The following ZNF804B variants were observed in gnomAD, a reference collection of about 807,000 sequenced individuals.
The protein encoded by ZNF804B is zinc finger 804B.
A neutral mutation model predicts 101.4 loss-of-function variants in ZNF804B; 80 were observed. That is an observed-to-expected ratio of 0.79 (90% CI 0.66 to 0.95). The LOEUF (loss-of-function observed/expected upper bound fraction) is 0.95. ZNF804B is among the 40% of genes least tolerant of loss of function. The pLI is 0.00. For missense variants in ZNF804B, 1,673 were observed against 1,561.9 expected (o/e 1.07, Z -1.20); for synonymous variants, 622 against 558.8 (o/e 1.11, Z -1.59).
rs990193653 is a variant in ZNF804B at position 88,791,303 on chromosome 7, T to C, written c.108+31219T>C. On this transcript the variant is annotated intron_variant, in intron 1 of 3. Transcript: ENST00000333190. ...TTCCTGAAGTGACTCCTATACGGGG[T>C]AAATTTATTTGAATACATTCATTCT... is the stretch of plus-strand genomic sequence containing the variant. 5.9e-5 allele frequency among the ~76,000 whole-genome samples: 9 copies of C among 152,098 alleles called. No individual in the cohort carries two copies. In the South Asian group the frequency reaches 1.0e-3, roughly 17 times the overall value.
chr7:89,016,217 AT>A (rs1788554169), intron 1 of ZNF804B, among the ~76,000 whole-genome samples: 1 of 151,894 alleles, frequency 6.6e-6, no homozygotes, highest in Non-Finnish European at 1.5e-5. Context: ...GTTTGAGTTC[AT>A]TGTAGATTCT....
intron 1 of ZNF804B, among the ~76,000 whole-genome samples, chr7:88,958,206 A>G (rs991845418): frequency 2.0e-5 from 3 of 151,566 alleles, no homozygotes; most frequent in Middle Eastern, 3.4e-3. Context: ...TGATAATGAC[A>G]GTAATTTCTT....
intron 1 of ZNF804B, among the ~76,000 whole-genome samples, chr7:88,897,302 T>G (rs796440171): frequency 7.9e-5 from 12 of 152,256 alleles, no homozygotes; most frequent in African/African-American, 2.6e-4. Flanking sequence ...GTCACAGATG[T>G]CTTTGGCAAA....
At chr7:89,171,322 C>CTTT (rs1480703840) in intron 1 of ZNF804B, among the ~76,000 whole-genome samples, 1 of 127,536 alleles carries the variant, frequency 7.8e-6, no homozygotes, top group Non-Finnish European at 1.7e-5. Flanking sequence ...TCTTCTTCTT[C>CTTT]TTCTTCTTCT....
At position 89,338,262 on chromosome 7, in the gene ZNF804B, C is replaced by G. The variant is rs1055811920; in HGVS notation, c.*1230C>G. On this transcript the variant is annotated 3_prime_UTR_variant, in exon 4 of 4. Transcript: ENST00000333190. Reference sequence around the variant, plus strand: ...CTATACGAAGATGCAAACTCCTCTACCACTAGAAGATTAGAGGATGTCTTC... The same window carrying G: ...CTATACGAAGATGCAAACTCCTCTAGCACTAGAAGATTAGAGGATGTCTTC... 6.6e-6 allele frequency among the ~76,000 whole-genome samples: 1 copy of G among 152,046 alleles called. No homozygotes were observed. Among genetic ancestry groups the G allele is most frequent in the South Asian group, 2.1e-4 (1 of 4,828 alleles).
chr7:88,923,205 C>T (rs1792750238), intron 1 of ZNF804B, among the ~76,000 whole-genome samples: 1 of 151,952 alleles, frequency 6.6e-6, no homozygotes, highest in African/African-American at 2.4e-5. Context: ...AGTGAGTGTT[C>T]CTTACTGAAC....
intron 1 of ZNF804B, among the ~76,000 whole-genome samples, chr7:88,991,016 T>G (rs990755571): frequency 6.6e-6 from 1 of 152,176 alleles, no homozygotes; most frequent in Non-Finnish European, 1.5e-5. Flanking sequence ...TGCATCAGTA[T>G]CACCAGTCAT....
At chr7:89,123,442 G>A (rs1431882949) in intron 1 of ZNF804B, among the ~76,000 whole-genome samples, 4 of 152,000 alleles carry the variant, frequency 2.6e-5, no homozygotes, top group Non-Finnish European at 4.4e-5. Context: ...ACTGTAAATC[G>A]ATACCTTGAA....
intron 2 of ZNF804B, among the ~76,000 whole-genome samples, chr7:89,234,517 G>A (rs1023447554): frequency 6.6e-6 from 1 of 152,140 alleles, no homozygotes; most frequent in African/African-American, 2.4e-5. Flanking sequence ...CTGGCTAGAG[G>A]GATGCCAAGA....
chr7:88,791,681 T>G (rs541143518), intron 1 of ZNF804B, among the ~76,000 whole-genome samples: 1 of 152,212 alleles, frequency 6.6e-6, no homozygotes, highest in Non-Finnish European at 1.5e-5. Flanking sequence ...ACTAGTACAT[T>G]TTTACCAGTA....
chr7:89,191,394 A>G (rs1452229408), intron 1 of ZNF804B, among the ~76,000 whole-genome samples: 5 of 152,150 alleles, frequency 3.3e-5, no homozygotes, highest in African/African-American at 1.2e-4. Context: ...GCAGCAACTG[A>G]TAAGTGGCCA....
intron 1 of ZNF804B, among the ~76,000 whole-genome samples, chr7:89,145,199 A>C (rs1790774671): frequency 6.6e-6 from 1 of 152,066 alleles, no homozygotes; most frequent in Non-Finnish European, 1.5e-5. Flanking sequence ...TAATTTTAAT[A>C]AATCAAATTA....
chr7:88,850,050 G>T (rs1334278877), intron 1 of ZNF804B, among the ~76,000 whole-genome samples: 1 of 152,040 alleles, frequency 6.6e-6, no homozygotes, highest in Non-Finnish European at 1.5e-5. Context: ...ATAATAGGAA[G>T]AAATTCTATA....
chr7:88,951,472 G>A (rs527642204), intron 1 of ZNF804B, among the ~76,000 whole-genome samples: 46 of 151,708 alleles, frequency 3.0e-4, no homozygotes, highest in Middle Eastern at 3.4e-3. Flanking sequence ...GTGCGCACGC[G>A]CACGCACATA....
At chr7:89,002,379 T>G (rs1788303498) in intron 1 of ZNF804B, among the ~76,000 whole-genome samples, 1 of 151,918 alleles carries the variant, frequency 6.6e-6, no homozygotes, top group Non-Finnish European at 1.5e-5. Context: ...AAACCTCATA[T>G]ATTTTCCCAC....
At chr7:88,935,071 A>T (rs1477606150) in intron 1 of ZNF804B, among the ~76,000 whole-genome samples, 1 of 151,730 alleles carries the variant, frequency 6.6e-6, no homozygotes, top group African/African-American at 2.4e-5. Context: ...ATACACACAT[A>T]CACATACCAT....
intron 1 of ZNF804B, among the ~76,000 whole-genome samples, chr7:88,985,062 A>G (rs886780697): frequency 6.6e-6 from 1 of 152,068 alleles, no homozygotes; most frequent in African/African-American, 2.4e-5. Flanking sequence ...AGGAATATCT[A>G]AGGTCTTATG....
intron 1 of ZNF804B, among the ~76,000 whole-genome samples, chr7:88,919,216 G>C (rs899174368): frequency 1.3e-5 from 2 of 152,088 alleles, no homozygotes; most frequent in African/African-American, 4.8e-5. Context: ...GTAAACCATT[G>C]ATGATGCCTT....
intron 1 of ZNF804B, among the ~76,000 whole-genome samples, chr7:89,212,286 CACAA>C (rs58042701): frequency 0.034 from 3,064 of 91,438 alleles, 62 homozygotes; most frequent in African/African-American, 0.069. Context: ...CACACACACA[CACAA>C]ACAGACTGCA....
Sources: allele counts gnomAD v4.1 joint callset (sites outside exome capture counted in the v4.1 genomes callset), GRCh38; gene constraint gnomAD v4.1.1; transcripts MANE v1.5; gene names NCBI Gene and HGNC (gene_info 2026-07-23, HGNC 2026-07-21).